Variants in DACH1 observed in about 807,000 individuals in gnomAD.
The protein encoded by DACH1 is dachshund homolog 1.
DACH1 carries 12 observed loss-of-function variants against 54.2 expected under a neutral mutation model. The ratio of observed to expected loss-of-function variants is 0.22; its 90% CI spans 0.14 to 0.36. DACH1 has a LOEUF of 0.36. DACH1 is among the 10% of genes least tolerant of loss of function. The pLI is 1.00. For synonymous variants in DACH1, 386 were observed against 366.2 expected (o/e 1.05, Z -0.62); for missense variants, 805 against 929.8 (o/e 0.87, Z 1.75).
In DACH1 at chr13:71,787,369, A is replaced by G. The variant is rs74842395; in HGVS notation, c.848+78553T>C. 5.9e-3 allele frequency among the ~76,000 whole-genome samples: 898 copies of G among 152,290 alleles called. 8 individuals are homozygous for G. The highest frequency in any genetic ancestry group is 0.021 in the African/African-American group (854 of 41,576). On this transcript the variant is annotated intron_variant, in intron 1 of 10. Coordinates refer to ENST00000613252, the MANE Select transcript of DACH1 (RefSeq NM_080759.6). Reference sequence around the variant, plus strand: ...CCACAAGTGACTTATCATCAGCATGAAATTTTTAAAAAGGTAATCTTACTT... The same window carrying G: ...CCACAAGTGACTTATCATCAGCATGGAATTTTTAAAAAGGTAATCTTACTT...
intron 6 of DACH1, among the ~76,000 whole-genome samples, chr13:71,504,331 T>A (rs1880146163): frequency 6.6e-6 from 1 of 152,146 alleles, no homozygotes; most frequent in Admixed American, 6.6e-5. Flanking sequence ...AAAAGAAACA[T>A]TGTGTTATCT....
chr13:71,820,660 AAAT>A (rs1888150926), intron 1 of DACH1, among the ~76,000 whole-genome samples: 1 of 152,192 alleles, frequency 6.6e-6, no homozygotes, highest in Non-Finnish European at 1.5e-5. Flanking sequence ...AGTCTAATAA[AAAT>A]AATCACAAGA....
chr13:71,614,124 T>A (rs575590342), intron 3 of DACH1, among the ~76,000 whole-genome samples: 1 of 152,332 alleles, frequency 6.6e-6, no homozygotes, highest in East Asian at 1.9e-4. Context: ...TGGAACTATA[T>A]GAAGGTTCTT....
chr13:71,463,777 C>A (rs1360782978), intron 10 of DACH1, among the ~76,000 whole-genome samples: 1 of 151,814 alleles, frequency 6.6e-6, no homozygotes, highest in African/African-American at 2.4e-5. Flanking sequence ...AAAAACAATC[C>A]CATTAAGAGA....
intron 1 of DACH1, among the ~76,000 whole-genome samples, chr13:71,808,658 G>A (rs1887601089): frequency 6.6e-6 from 1 of 152,132 alleles, no homozygotes; most frequent in Non-Finnish European, 1.5e-5. Flanking sequence ...TTTTAAAGCA[G>A]TTTGACATCC....
intron 1 of DACH1, among the ~76,000 whole-genome samples, chr13:71,702,264 A>G (rs1882178303): frequency 6.6e-6 from 1 of 152,160 alleles, no homozygotes; most frequent in Non-Finnish European, 1.5e-5. Context: ...CTAAATTAAA[A>G]TGAAAATCAT....
intron 1 of DACH1, among the ~76,000 whole-genome samples, chr13:71,692,669 T>C (rs952126226): frequency 6.6e-6 from 1 of 151,532 alleles, no homozygotes; most frequent in Non-Finnish European, 1.5e-5. Flanking sequence ...ACTACAGGCG[T>C]GCACCACCAT....
chr13:71,523,846 T>C (rs1881770092), intron 6 of DACH1, among the ~76,000 whole-genome samples: 2 of 152,118 alleles, frequency 1.3e-5, no homozygotes, highest in Admixed American at 1.3e-4. Flanking sequence ...AAGAACTCAT[T>C]CTATTCTACT....
intron 4 of DACH1, among the ~76,000 whole-genome samples, chr13:71,569,700 T>A (rs1388101296): frequency 6.6e-6 from 1 of 152,170 alleles, no homozygotes; most frequent in Non-Finnish European, 1.5e-5. Context: ...GAAAGCTGTA[T>A]TTTTGCTTCT....
At chr13:71,556,677 T>G (rs1304274291) in intron 6 of DACH1, among the ~76,000 whole-genome samples, 2 of 152,052 alleles carry the variant, frequency 1.3e-5, no homozygotes, top group African/African-American at 4.8e-5. Context: ...TCTATATTGT[T>G]ATTGTTCTAT....
chr13:71,783,474 T>C (rs303960), intron 1 of DACH1, among the ~76,000 whole-genome samples: 4,811 of 152,214 alleles, frequency 0.032, 139 homozygotes, highest in African/African-American at 0.079. Context: ...AAATGTAAGA[T>C]AAAAATAATG....
intron 6 of DACH1, among the ~76,000 whole-genome samples, chr13:71,506,785 G>C (rs1194409055): frequency 2.6e-5 from 4 of 151,940 alleles, no homozygotes; most frequent in East Asian, 1.9e-4. Flanking sequence ...TGATAAACCT[G>C]AGAAAAACAA....
chr13:71,483,528 C>T (rs1878237582), intron 7 of DACH1, among the ~76,000 whole-genome samples: 1 of 145,418 alleles, frequency 6.9e-6, no homozygotes, highest in South Asian at 2.1e-4. Context: ...ATTATAATTA[C>T]AATAATTTTT....
In DACH1 at chr13:71,440,645, C is replaced by T; in HGVS notation, c.*10G>A. The T allele has an allele frequency of 6.3e-7, 1 of 1,593,616 alleles. No homozygotes were observed. The highest frequency in any genetic ancestry group is 8.5e-7 in the Non-Finnish European group (1 of 1,171,456). On this transcript the variant is annotated 3_prime_UTR_variant, in exon 11 of 11. Coordinates refer to ENST00000613252, the MANE Select transcript of DACH1 (RefSeq NM_080759.6). Reference sequence around the variant, plus strand: ...TTTTCTATAACATGGATTTCTTCAACAGGAAAGATTCAGTACATGACAGTA... The same window carrying T: ...TTTTCTATAACATGGATTTCTTCAATAGGAAAGATTCAGTACATGACAGTA...
At chr13:71,741,019 A>AAT (rs1177457292) in intron 1 of DACH1, among the ~76,000 whole-genome samples, 1 of 152,170 alleles carries the variant, frequency 6.6e-6, no homozygotes, top group Admixed American at 6.5e-5. Context: ...GCCCAGTAGC[A>AAT]ATATACTCTC....
At chr13:71,727,552 T>G (rs1349675826) in intron 1 of DACH1, among the ~76,000 whole-genome samples, 1 of 152,106 alleles carries the variant, frequency 6.6e-6, no homozygotes, top group Admixed American at 6.6e-5. Context: ...CAAATGTGTT[T>G]GATATGTACA....
intron 2 of DACH1, among the ~76,000 whole-genome samples, chr13:71,646,344 A>G (rs1390211022): frequency 1.3e-5 from 2 of 152,134 alleles, no homozygotes; most frequent in African/African-American, 4.8e-5. Context: ...TCTCAAAAAA[A>G]AAAAAGAAAA....
At chr13:71,460,135 G>A (rs919915487) in intron 10 of DACH1, among the ~76,000 whole-genome samples, 3 of 151,948 alleles carry the variant, frequency 2.0e-5, no homozygotes, top group Non-Finnish European at 4.4e-5. Flanking sequence ...GATCCAAGTA[G>A]GCAATTACCT....
chr13:71,633,675 T>A (rs1245546677), intron 2 of DACH1, among the ~76,000 whole-genome samples: 1 of 152,128 alleles, frequency 6.6e-6, no homozygotes, highest in African/African-American at 2.4e-5. Context: ...ATATTCTACT[T>A]TTAGCCCAGT....
Sources: allele counts gnomAD v4.1 joint callset (sites outside exome capture counted in the v4.1 genomes callset), GRCh38; gene constraint gnomAD v4.1.1; transcripts MANE v1.5; gene names NCBI Gene and HGNC (gene_info 2026-07-23, HGNC 2026-07-21).